ARHGEF28: variants seen among roughly 807,000 people sequenced by gnomAD.
The protein encoded by ARHGEF28 is 190 kDa guanine nucleotide exchange factor.
A neutral mutation model predicts 206.6 loss-of-function variants in ARHGEF28; 152 were observed. The observed-to-expected ratio is 0.74, with a 90% CI of 0.64 to 0.84. The LOEUF is 0.84. ARHGEF28 is among the 40% of genes least tolerant of loss of function. ARHGEF28 has a pLI of 0.00. For synonymous variants in ARHGEF28, 763 were observed against 776.4 expected, an observed-to-expected ratio of 0.98 and a Z score of 0.29; for missense variants, 2,028 against 2,073.2, an observed-to-expected ratio of 0.98 and a Z score of 0.42.
At chr5:73,928,176 C>A (rs576115139) in intron 35 of ARHGEF28, among the ~76,000 whole-genome samples, 43 of 152,288 alleles carry the variant, frequency 2.8e-4, no homozygotes, top group African/African-American at 8.9e-4. Context: ...CCCAGCACTT[C>A]GGGAGGCCGA....
intron 35 of ARHGEF28, among the ~76,000 whole-genome samples, chr5:73,938,492 CT>C (rs1470597675): frequency 6.6e-6 from 1 of 152,174 alleles, no homozygotes; most frequent in Non-Finnish European, 1.5e-5. Flanking sequence ...GCCTCATTCA[CT>C]GGATGATTTT....
chr5:73,937,942 C>T (rs987773790), intron 35 of ARHGEF28, among the ~76,000 whole-genome samples: 1 of 152,044 alleles, frequency 6.6e-6, no homozygotes, highest in African/African-American at 2.4e-5. Flanking sequence ...ACTGTCTGAC[C>T]TTGCCTACAT....
intron 3 of ARHGEF28, 116 bp downstream of exon 3, chr5:73,750,100 G>A (rs1751947375): frequency 2.5e-6 from 3 of 1,209,704 alleles, no homozygotes; most frequent in Non-Finnish European, 3.5e-6. Flanking sequence ...GCAAGGTCAG[G>A]AGTGTGTGCG....
chr5:73,937,083 G>A (rs762789038), intron 35 of ARHGEF28, among the ~76,000 whole-genome samples: 1 of 152,210 alleles, frequency 6.6e-6, no homozygotes, highest in Non-Finnish European at 1.5e-5. Context: ...CAACCAGCAG[G>A]TTGCACCTAA....
Position 73,832,426 on chromosome 5 carries a change from T to G in ARHGEF28, c.1113T>G (p.Asp371Glu). 6.2e-7 allele frequency: 1 copy of G among 1,612,610 alleles called. No homozygotes were observed. Among genetic ancestry groups the G allele is most frequent in the Non-Finnish European group, 8.5e-7 (1 of 1,179,384 alleles). Residue 371 changes from aspartate to glutamate, a missense_variant, in exon 10 of 36, where the codon GAT becomes GAG. Physicochemically the swap from Asp to Glu is conservative, Grantham distance 45. Transcript: ENST00000513042. ...GRLSDMLNGG[D>E]EVYANCMVID... is the part of the protein sequence containing the mutation. ...TTTCAGACATGCTGAATGGAGGTGA[T>G]GAAGTCTACGCTAACTGTATGGTGA... is the stretch of plus-strand genomic sequence containing the variant.
chr5:73,832,516 G>A, intron 10 of ARHGEF28, 57 bp downstream of exon 10: 1 of 1,578,238 alleles, frequency 6.3e-7, no homozygotes, highest in Non-Finnish European at 8.6e-7. Flanking sequence ...ACCTGGGTTT[G>A]TAAGAAATAG....
At chr5:73,651,569 C>A (rs916554406) in intron 1 of ARHGEF28, among the ~76,000 whole-genome samples, 14 of 152,176 alleles carry the variant, frequency 9.2e-5, no homozygotes, top group Non-Finnish European at 1.6e-4. Context: ...GTGTAGAAAA[C>A]CTGCAGTCAA....
chr5:73,688,457 T>C (rs1747604481), intron 2 of ARHGEF28, among the ~76,000 whole-genome samples: 1 of 152,212 alleles, frequency 6.6e-6, no homozygotes, highest in Non-Finnish European at 1.5e-5. Context: ...ATGATAGACA[T>C]CTTTATACCT....
intron 16 of ARHGEF28, among the ~76,000 whole-genome samples, chr5:73,859,567 G>A (rs1759263150): frequency 6.6e-6 from 1 of 152,146 alleles, no homozygotes; most frequent in South Asian, 2.1e-4. Context: ...TGACTTTATT[G>A]CATGTTTGAA....
At chr5:73,815,458 A>G (rs889768320) in intron 9 of ARHGEF28, among the ~76,000 whole-genome samples, 2 of 152,184 alleles carry the variant, frequency 1.3e-5, no homozygotes, top group African/African-American at 4.8e-5. Context: ...CAAAGTCATT[A>G]TTACTTTGGA....
intron 16 of ARHGEF28, 121 bp from the exon 17 acceptor site, chr5:73,864,696 C>G (rs1045198674): frequency 2.5e-6 from 2 of 794,346 alleles, no homozygotes; most frequent in Non-Finnish European, 3.9e-6. Context: ...CTTTAGTTTT[C>G]CAGATATTTG....
At chr5:73,664,908 A>G (rs770825605) in intron 1 of ARHGEF28, among the ~76,000 whole-genome samples, 7 of 152,114 alleles carry the variant, frequency 4.6e-5, no homozygotes, top group Non-Finnish European at 7.4e-5. Flanking sequence ...TCCTTGGTCA[A>G]TGGCACCATC....
At chr5:73,642,802 T>TTAG (rs1744204377) in intron 1 of ARHGEF28, among the ~76,000 whole-genome samples, 1 of 152,188 alleles carries the variant, frequency 6.6e-6, no homozygotes, top group African/African-American at 2.4e-5. Context: ...TTAGTTGGTT[T>TTAG]TTACTATCAT....
intron 1 of ARHGEF28, among the ~76,000 whole-genome samples, chr5:73,680,788 A>G (rs971285625): frequency 2.0e-5 from 3 of 152,230 alleles, no homozygotes; most frequent in Non-Finnish European, 4.4e-5. Flanking sequence ...AACTTCTTGC[A>G]CAATTAAATT....
chr5:73,811,838 C>T (rs1755854623), intron 9 of ARHGEF28, among the ~76,000 whole-genome samples: 1 of 151,900 alleles, frequency 6.6e-6, no homozygotes, highest in South Asian at 2.1e-4. Flanking sequence ...CAAAAATTAG[C>T]CGGGTGTGGT....
intron 10 of ARHGEF28, among the ~76,000 whole-genome samples, chr5:73,837,748 T>TTC (rs1300241160): frequency 7.0e-6 from 1 of 142,928 alleles, no homozygotes; most frequent in Non-Finnish European, 1.5e-5. Flanking sequence ...TCGTTTTGTT[T>TTC]TTTTTTTTTT....
At chr5:73,703,151 T>C (rs905681083) in intron 2 of ARHGEF28, among the ~76,000 whole-genome samples, 4 of 152,204 alleles carry the variant, frequency 2.6e-5, no homozygotes, top group African/African-American at 9.6e-5. Flanking sequence ...GACAATATAG[T>C]AGGGAAAGCT....
intron 31 of ARHGEF28, chr5:73,902,682 T>C (rs1326715759): frequency 6.6e-6 from 1 of 152,174 alleles, no homozygotes; most frequent in African/African-American, 2.4e-5. Context: ...AAAAATGAAA[T>C]CTGACTCAAA....
chr5:73,782,132 TAAA>T (rs35157852), intron 7 of ARHGEF28, among the ~76,000 whole-genome samples: 3 of 143,228 alleles, frequency 2.1e-5, no homozygotes, highest in Non-Finnish European at 3.0e-5. Context: ...GCATGTTTGT[TAAA>T]AAAAAAAAAA....
Sources: allele counts gnomAD v4.1 joint callset (sites outside exome capture counted in the v4.1 genomes callset), GRCh38; gene constraint gnomAD v4.1.1; transcripts MANE v1.5; gene names NCBI Gene and HGNC (gene_info 2026-07-23, HGNC 2026-07-21).